Variants in TOP2B observed in about 807,000 individuals in gnomAD.
TOP2B encodes DNA topoisomerase II beta, also known as DNA topoisomerase 2-beta.
Under a neutral mutation model 193.5 loss-of-function variants are expected in TOP2B, and 51 were observed. The ratio of observed to expected loss-of-function variants is 0.26; its 90% CI spans 0.21 to 0.33. TOP2B has a LOEUF of 0.33. TOP2B is among the 10% of genes least tolerant of loss of function. The probability of loss-of-function intolerance (pLI) is 1.00; values close to 1 mark genes in which losing one functional copy is unlikely to be tolerated. For missense variants in TOP2B, 1,378 were observed against 1,909.3 expected (o/e 0.72, Z 5.19); for synonymous variants, 634 against 635.7 (o/e 1.00, Z 0.04).
chr3:25,625,093 C>T, intron 18 of TOP2B: 1 of 210,974 alleles, frequency 4.7e-6, no homozygotes, highest in Non-Finnish European at 9.5e-6. Flanking sequence ...CCTAGTGGTA[C>T]CAAACTCCTT....
chr3:25,656,384 C>T (rs1703747227), intron 1 of TOP2B, among the ~76,000 whole-genome samples: 1 of 152,046 alleles, frequency 6.6e-6, no homozygotes, highest in Non-Finnish European at 1.5e-5. Context: ...GGATCAATCC[C>T]CTGAGCCCAG....
chr3:25,614,229 G>T (rs1285555059), intron 27 of TOP2B, among the ~76,000 whole-genome samples: 1 of 152,136 alleles, frequency 6.6e-6, no homozygotes, highest in Non-Finnish European at 1.5e-5. Context: ...GTGAGGAAAT[G>T]TACAGGCATA....
At chr3:25,659,474 C>T (rs1703846660) in intron 1 of TOP2B, among the ~76,000 whole-genome samples, 1 of 152,156 alleles carries the variant, frequency 6.6e-6, no homozygotes, top group Non-Finnish European at 1.5e-5. Context: ...TACTATGTGC[C>T]AAGCACTACG....
chr3:25,610,139 T>G (rs1299157189), intron 28 of TOP2B, among the ~76,000 whole-genome samples: 2 of 151,330 alleles, frequency 1.3e-5, no homozygotes, highest in Admixed American at 1.3e-4. Flanking sequence ...AGGCGGAGAT[T>G]GCGGTGAGCC....
chr3:25,648,518 A>T (rs1432313818), intron 1 of TOP2B, among the ~76,000 whole-genome samples: 1 of 152,226 alleles, frequency 6.6e-6, no homozygotes, highest in Non-Finnish European at 1.5e-5. Flanking sequence ...CTAACAGAAA[A>T]TAACAATACA....
intron 22 of TOP2B, among the ~76,000 whole-genome samples, 184 bp downstream of exon 22, chr3:25,620,498 C>T (rs995970699): frequency 3.9e-5 from 6 of 152,050 alleles, no homozygotes; most frequent in Non-Finnish European, 8.8e-5. Flanking sequence ...AGTCATACTA[C>T]GCTACTTAGA....
At chr3:25,660,867 A>C (rs181628340) in intron 1 of TOP2B, among the ~76,000 whole-genome samples, 10 of 152,344 alleles carry the variant, frequency 6.6e-5, no homozygotes, top group Non-Finnish European at 1.5e-5. Flanking sequence ...ATTTGTGGTT[A>C]TACAGTTTTT....
In TOP2B at chr3:25,664,786, A is replaced by C. The variant is rs10433573; in HGVS notation, c.-489T>G. On this transcript the variant is annotated 5_prime_UTR_variant, in exon 1 of 36. Coordinates refer to ENST00000264331, the MANE Select transcript of TOP2B (RefSeq NM_001330700.2). ...CGGTCGCCGCCGCTGCTTCAAAGGC[A>C]GCCTTAGCCTCGCTGCAGCCCCGAT... 302,006 of 988,310 alleles carry C rather than the reference A, an allele frequency of 0.31. 47,512 individuals carry two copies. The highest frequency in any genetic ancestry group is 0.5 in the African/African-American group (28,658 of 57,256). 61.2% of individuals were successfully genotyped at this position (988,310 alleles called of 1,614,324 possible). A position where few individuals can be genotyped will look rare whatever the true frequency, so the allele number is the denominator to read the frequency against.
chr3:25,622,634 T>C (rs892231072), intron 21 of TOP2B, among the ~76,000 whole-genome samples: 20 of 147,628 alleles, frequency 1.4e-4, no homozygotes, highest in African/African-American at 4.7e-4. Flanking sequence ...AAAAAAAAAA[T>C]GGGGATTTTT....
intron 27 of TOP2B, among the ~76,000 whole-genome samples, chr3:25,614,034 A>T (rs971268247): frequency 6.6e-5 from 10 of 152,232 alleles, no homozygotes; most frequent in Non-Finnish European, 8.8e-5. Flanking sequence ...ATTAGACTTT[A>T]AATGATACAG....
intron 1 of TOP2B, among the ~76,000 whole-genome samples, chr3:25,660,549 A>T (rs1443215824): frequency 6.6e-6 from 1 of 152,232 alleles, no homozygotes; most frequent in East Asian, 1.9e-4. Flanking sequence ...TGAAAAAGTA[A>T]TTCCAGATGG....
intron 6 of TOP2B, 40 bp from the exon 7 acceptor site, chr3:25,636,188 C>T (rs200264356): frequency 8.7e-4 from 1,112 of 1,271,040 alleles, no homozygotes; most frequent in Non-Finnish European, 1.1e-3. Context: ...ATAATGCTTC[C>T]ATATCTCATA....
At chr3:25,624,911 G>A in intron 18 of TOP2B, 108 bp from the exon 19 acceptor site, 1 of 1,075,436 alleles carries the variant, frequency 9.3e-7, no homozygotes, top group South Asian at 1.6e-5. Context: ...CAGTAAAATT[G>A]TTACTTGAGA....
Position 25,664,667 on chromosome 3 carries a change from C to T in TOP2B, c.-370G>A. On this transcript the variant is annotated 5_prime_UTR_variant, in exon 1 of 36. Coordinates refer to ENST00000264331, the MANE Select transcript of TOP2B (RefSeq NM_001330700.2). ...GCGAGCCGCGAGGGCGGCCGGGGAGCCCGAGGCGCTCGGACGTGGCGAGGA... is the reference window on the plus strand; with the variant it reads ...GCGAGCCGCGAGGGCGGCCGGGGAGTCCGAGGCGCTCGGACGTGGCGAGGA... The T allele has an allele frequency of 1.0e-6, 1 of 984,834 alleles. No homozygotes were observed. Among genetic ancestry groups the T allele is most frequent in the Non-Finnish European group, 1.2e-6 (1 of 829,706 alleles). The allele number at this position is 984,834 out of a possible 1,614,324, so 61.0% of individuals were successfully genotyped here. A position where few individuals can be genotyped will look rare whatever the true frequency, so the allele number is the denominator to read the frequency against.
In TOP2B at chr3:25,654,752, A is replaced by T. The variant is rs367929785; in HGVS notation, c.70-9282T>A. 3.9e-5 allele frequency among the ~76,000 whole-genome samples: 6 copies of T among 152,336 alleles called. No homozygotes were observed. The East Asian group carries it at 7.7e-4, about 20-fold the overall frequency. On this transcript the variant is annotated intron_variant, in intron 1 of 35. Coordinates refer to ENST00000264331, the MANE Select transcript of TOP2B (RefSeq NM_001330700.2). ...GGCATACAGACAGAAGAGAGAGCAC[A>T]GAAATAAACCCTTACATAAAAGGCC... is the stretch of plus-strand genomic sequence containing the variant.
intron 29 of TOP2B, 46 bp from the exon 30 acceptor site, chr3:25,609,390 A>C: frequency 6.7e-7 from 1 of 1,500,054 alleles, no homozygotes; most frequent in South Asian, 1.3e-5. Context: ...TATTTATAGA[A>C]ATGTCATTAG....
At chr3:25,624,856 AT>A (rs1322361374) in intron 18 of TOP2B, 53 bp from the exon 19 acceptor site, 7 of 1,535,096 alleles carry the variant, frequency 4.6e-6, no homozygotes, top group Non-Finnish European at 6.2e-6. Flanking sequence ...AGTTGTAACA[AT>A]TCAGGGGAAT....
chr3:25,661,218 T>C (rs766594571), intron 1 of TOP2B, among the ~76,000 whole-genome samples: 3 of 152,098 alleles, frequency 2.0e-5, no homozygotes, highest in Non-Finnish European at 2.9e-5. Context: ...AGGCTGGTCA[T>C]GAACTCCTGA....
At chr3:25,653,668 G>A (rs1176755167) in intron 1 of TOP2B, among the ~76,000 whole-genome samples, 4 of 152,030 alleles carry the variant, frequency 2.6e-5, no homozygotes, top group Admixed American at 1.3e-4. Flanking sequence ...GGCCGCAAGC[G>A]ATTCTCCTGC....
Sources: allele counts gnomAD v4.1 joint callset (sites outside exome capture counted in the v4.1 genomes callset), GRCh38; gene constraint gnomAD v4.1.1; transcripts MANE v1.5; gene names NCBI Gene and HGNC (gene_info 2026-07-23, HGNC 2026-07-21).